FLT1: variants seen among roughly 807,000 people sequenced by gnomAD.
FLT1 encodes the protein fms related receptor tyrosine kinase 1.
FLT1 carries 49 observed loss-of-function variants against 156.3 expected under a neutral mutation model. That is an observed-to-expected ratio of 0.31 (90% CI 0.25 to 0.40). The LOEUF is 0.40. FLT1 is among the 10% of genes least tolerant of loss of function. The probability of loss-of-function intolerance (pLI) is 1.00; values close to 1 mark genes in which losing one functional copy is unlikely to be tolerated. For missense variants in FLT1, 1,322 were observed against 1,637.2 expected (o/e 0.81, Z 3.32); for synonymous variants, 594 against 583.8 (o/e 1.02, Z -0.25).
chr13:28,440,957 G>A (rs1388079446), intron 3 of FLT1, among the ~76,000 whole-genome samples: 3 of 152,092 alleles, frequency 2.0e-5, no homozygotes, highest in African/African-American at 4.8e-5. Flanking sequence ...TGACCATCAG[G>A]TGATGGTCAG....
chr13:28,355,829 C>T (rs1017627897), intron 15 of FLT1, among the ~76,000 whole-genome samples: 3 of 152,208 alleles, frequency 2.0e-5, no homozygotes, highest in Non-Finnish European at 2.9e-5. Flanking sequence ...AGACTGCTGG[C>T]GAACAGAAGG....
rs558463515 is a variant in FLT1 at position 28,487,219 on chromosome 13, T to G, written c.64+7561A>C. ...GATTTTTAAAAGCTCTCCAGATTAT[T>G]CTAATGTAGAGCCCAGGCTGGGGAC... On this transcript the variant is annotated intron_variant, in intron 1 of 29. Transcript: ENST00000282397. Among the ~76,000 whole-genome samples the G allele has an allele frequency of 2.6e-5, 4 of 152,326 alleles. No homozygotes were observed. The South Asian group carries it at 8.3e-4, about 32-fold the overall frequency.
intron 20 of FLT1, among the ~76,000 whole-genome samples, chr13:28,323,460 T>C (rs1871556053): frequency 6.6e-6 from 1 of 152,104 alleles, no homozygotes. Context: ...GAGATCAGCC[T>C]GACCAATATG....
At chr13:28,338,483 G>A (rs1334318541) in intron 17 of FLT1, among the ~76,000 whole-genome samples, 2 of 152,194 alleles carry the variant, frequency 1.3e-5, no homozygotes, top group African/African-American at 4.8e-5. Context: ...CTGAGCTGGA[G>A]GAACTGGAAG....
chr13:28,366,491 T>C lies in FLT1; in HGVS notation c.2117-8806A>G, dbSNP rs184863803. The stretch of plus-strand genomic sequence containing the variant: ...GAAAGCATTTTTTTTTTTTTCGAGA[T>C]GGAGTTTTGCTCTTGTTATCCAGGC... On this transcript the variant is annotated intron_variant, in intron 14 of 29. Transcript: ENST00000282397. Among the ~76,000 whole-genome samples the C allele has an allele frequency of 7.1e-3, 1,076 of 151,828 alleles. 8 individuals carry two copies. Among genetic ancestry groups the C allele is most frequent in the South Asian group, 0.011 (52 of 4,778 alleles).
chr13:28,418,832 C>T (rs771679701), intron 10 of FLT1, among the ~76,000 whole-genome samples: 10 of 152,102 alleles, frequency 6.6e-5, no homozygotes, highest in Admixed American at 1.3e-4. Flanking sequence ...CCTCAGCCTC[C>T]CAAGTGCTGG....
At chr13:28,490,954 C>T (rs961420697) in intron 1 of FLT1, among the ~76,000 whole-genome samples, 18 of 152,186 alleles carry the variant, frequency 1.2e-4, no homozygotes, top group African/African-American at 4.3e-4. Flanking sequence ...AAGATAGCTT[C>T]TCTCACTTTT....
intron 24 of FLT1, among the ~76,000 whole-genome samples, chr13:28,317,801 T>C (rs1392515361): frequency 6.6e-6 from 1 of 152,120 alleles, no homozygotes; most frequent in Non-Finnish European, 1.5e-5. Context: ...CTTGGTTGGG[T>C]GGTCACATGG....
intron 12 of FLT1, among the ~76,000 whole-genome samples, chr13:28,396,329 T>C (rs925858961): frequency 2.0e-5 from 3 of 152,228 alleles, no homozygotes; most frequent in African/African-American, 4.8e-5. Context: ...GCAATTGTTT[T>C]TATACTTTGA....
At chr13:28,309,890 T>A (rs1353137856) in intron 27 of FLT1, among the ~76,000 whole-genome samples, 2 of 85,234 alleles carry the variant, frequency 2.3e-5, no homozygotes, top group Non-Finnish European at 4.9e-5. Context: ...TTTCCTTTTT[T>A]TTTTTTTTTT....
chr13:28,474,809 C>T (rs1304336426), intron 1 of FLT1, among the ~76,000 whole-genome samples: 1 of 152,120 alleles, frequency 6.6e-6, no homozygotes, highest in Non-Finnish European at 1.5e-5. Context: ...ATTCTTGTCT[C>T]TTACAGTCAT....
At chr13:28,451,590 A>C (rs1878940863) in intron 3 of FLT1, among the ~76,000 whole-genome samples, 1 of 145,446 alleles carries the variant, frequency 6.9e-6, no homozygotes, top group South Asian at 2.4e-4. Flanking sequence ...GCCCCGATGC[A>C]TTCCATCAGC....
chr13:28,306,855 A>T, intron 28 of FLT1, 83 bp from the exon 29 acceptor site: 1 of 874,042 alleles, frequency 1.1e-6, no homozygotes, highest in East Asian at 2.4e-5. Context: ...CCTGGGATAC[A>T]TCTGTTGATC....
In FLT1 at chr13:28,494,935, C is replaced by G. The variant is rs1881683437; in HGVS notation, c.-92G>C. On this transcript the variant is annotated 5_prime_UTR_variant, in exon 1 of 30. Coordinates refer to ENST00000282397, the MANE Select transcript of FLT1 (RefSeq NM_002019.4). ...AGTCCGTCCTCTCGTTCGCCGCCGC[C>G]GGCCCCGCGCCCTGAGCGCCCGTCT... The G allele has an allele frequency of 9.9e-7, 1 of 1,008,130 alleles. No homozygotes were observed. Among genetic ancestry groups the G allele is most frequent in the Non-Finnish European group, 1.4e-6 (1 of 726,708 alleles). 62.4% of individuals were successfully genotyped at this position (1,008,130 alleles called of 1,614,324 possible).
chr13:28,474,195 C>T (rs1203424968), intron 1 of FLT1, among the ~76,000 whole-genome samples: 1 of 152,116 alleles, frequency 6.6e-6, no homozygotes, highest in Non-Finnish European at 1.5e-5. Flanking sequence ...GTGGCTTATG[C>T]CTGTAATCCC....
At chr13:28,316,811 C>T (rs1053256238) in intron 25 of FLT1, among the ~76,000 whole-genome samples, 6 of 151,870 alleles carry the variant, frequency 4.0e-5, no homozygotes, top group Admixed American at 2.0e-4. Flanking sequence ...TTAGTAGAGA[C>T]GGGGTTTCAC....
rs1049014036 is a variant in FLT1 at position 28,494,956 on chromosome 13, C to G, written c.-113G>C. On this transcript the variant is annotated 5_prime_UTR_variant, in exon 1 of 30. Coordinates refer to ENST00000282397, the MANE Select transcript of FLT1 (RefSeq NM_002019.4). Reference sequence around the variant, plus strand: ...CCGCCGGCCCCGCGCCCTGAGCGCCCGTCTCGCGGCTCCAGCCAGGAGACA... The same window carrying G: ...CCGCCGGCCCCGCGCCCTGAGCGCCGGTCTCGCGGCTCCAGCCAGGAGACA... 25 of 760,214 alleles carry G rather than the reference C, an allele frequency of 3.3e-5. No individual in the cohort carries two copies. The highest frequency in any genetic ancestry group is 4.9e-5 in the Non-Finnish European group (25 of 512,528). The allele number at this position is 760,214 out of a possible 1,614,324, so 47.1% of individuals were successfully genotyped here. A position where few individuals can be genotyped will look rare whatever the true frequency, so the allele number is the denominator to read the frequency against.
chr13:28,377,039 G>T (rs535895701), intron 14 of FLT1, among the ~76,000 whole-genome samples: 13 of 152,194 alleles, frequency 8.5e-5, no homozygotes, highest in Non-Finnish European at 1.5e-4. Context: ...CTCTGACTTT[G>T]AACTCTTGTG....
intron 10 of FLT1, among the ~76,000 whole-genome samples, chr13:28,420,273 T>C (rs1047642956): frequency 6.6e-6 from 1 of 152,246 alleles, no homozygotes. Flanking sequence ...CTGTATAAGA[T>C]GGCCAGTTTT....
Sources: gnomAD v4.1 joint callset for allele counts (sites outside exome capture counted in the v4.1 genomes callset) on GRCh38, gnomAD v4.1.1 for gene constraint, MANE v1.5 for transcripts, NCBI Gene and HGNC (gene_info 2026-07-23, HGNC 2026-07-21) for gene names.